ZMYND11: variants seen among roughly 807,000 people sequenced by gnomAD.
ZMYND11 encodes zinc finger MYND-type containing 11.
Under a neutral mutation model 84.9 loss-of-function variants are expected in ZMYND11, and 9 were observed. The ratio of observed to expected loss-of-function variants is 0.11; its 90% CI spans 0.06 to 0.18. The LOEUF (loss-of-function observed/expected upper bound fraction) is 0.18, where lower values mean the gene tolerates loss of function less well. ZMYND11 is among the 10% of genes least tolerant of loss of function. The probability of loss-of-function intolerance (pLI) is 1.00; values close to 1 mark genes in which losing one functional copy is unlikely to be tolerated. For synonymous variants in ZMYND11, 250 were observed against 244.1 expected (o/e 1.02, Z -0.23); for missense variants, 409 against 761.0 (o/e 0.54, Z 5.44).
At chr10:181,959 A>G (rs1847981478) in intron 2 of ZMYND11, among the ~76,000 whole-genome samples, 1 of 152,220 alleles carries the variant, frequency 6.6e-6, no homozygotes, top group Non-Finnish European at 1.5e-5. Flanking sequence ...TTTTTAAAAA[A>G]CCATCCTTTA....
rs977378978 is a variant in ZMYND11, at chr10:254,468, A to G, written c.*1998A>G. On this transcript the variant is annotated 3_prime_UTR_variant, in exon 15 of 15. Coordinates refer to ENST00000381604, the MANE Select transcript of ZMYND11 (RefSeq NM_001370100.5). ...CATTATTAAAAATTTTCTGCAAATC[A>G]TAAAGCTATATCGAGGTGTTGAGCT... 3 of 152,686 alleles carry G rather than the reference A, an allele frequency of 2.0e-5. No individual in the cohort carries two copies. Among genetic ancestry groups the G allele is most frequent in the Non-Finnish European group, 2.9e-5 (2 of 68,048 alleles). 9.5% of individuals were successfully genotyped at this position (152,686 alleles called of 1,614,324 possible).
rs376931420 is a variant in ZMYND11 at position 158,984 on chromosome 10, G to GTTTTTTTTTTTTTTTTTTTTTTTTTTTTT, written c.-19-21004_-19-21003insTTTTTTTTTTTTTTTTTTTTTTTTTTTTT. On this transcript the variant is annotated intron_variant, in intron 1 of 14. Transcript: ENST00000381604. Reference sequence around the variant, plus strand: ...AGATATATGATTTGCAGGGTTTTTTGTTTTTTGTTTTTTTTTTTTTTTTTA... The same window carrying GTTTTTTTTTTTTTTTTTTTTTTTTTTTTT: ...AGATATATGATTTGCAGGGTTTTTTGTTTTTTTTTTTTTTTTTTTTTTTTTTTTTTTTTTTGTTTTTTTTTTTTTTTTTA... Among the ~76,000 whole-genome samples, 12 of 40,054 alleles carry GTTTTTTTTTTTTTTTTTTTTTTTTTTTTT rather than the reference G, an allele frequency of 3.0e-4. 1 individual carries two copies. Among genetic ancestry groups the GTTTTTTTTTTTTTTTTTTTTTTTTTTTTT allele is most frequent in the Admixed American group, 6.4e-4 (2 of 3,110 alleles). 26.3% of individuals were successfully genotyped at this position (40,054 alleles called of 152,430 possible). A position where few individuals can be genotyped will look rare whatever the true frequency, so the allele number is the denominator to read the frequency against.
chr10:200,224 G>GTGTGTGTGTGTGTGTGTGTGTGTGTA (rs1434058171), intron 2 of ZMYND11, among the ~76,000 whole-genome samples: 1 of 141,756 alleles, frequency 7.1e-6, no homozygotes, highest in Non-Finnish European at 1.5e-5. Flanking sequence ...GTGTGTGTGT[G>GTGTGTGTGTGTGTGTGTGTGTGTGTA]TATAATATAT....
rs200768695 is a variant in ZMYND11, at chr10:239,537, T to G, written c.697+12T>G. On this transcript the variant is annotated intron_variant, in intron 7 of 14. Coordinates refer to ENST00000381604, the MANE Select transcript of ZMYND11 (RefSeq NM_001370100.5). ...GATTTTCTATGGAGGTTGAATATTT[T>G]TGTTTTTTTTGTATGCATTTTTAAA... The G allele has an allele frequency of 1.3e-6, 2 of 1,538,178 alleles. No individual in the cohort carries two copies. The highest frequency in any genetic ancestry group is 1.8e-5 in the Admixed American group (1 of 55,464).
chr10:231,214 C>T (rs1031222141), intron 4 of ZMYND11, among the ~76,000 whole-genome samples: 1 of 152,154 alleles, frequency 6.6e-6, no homozygotes, highest in African/African-American at 2.4e-5. Flanking sequence ...CTCTCTGGCC[C>T]TTTACACAAA....
intron 1 of ZMYND11, among the ~76,000 whole-genome samples, chr10:157,717 A>G (rs747655851): frequency 6.6e-6 from 1 of 152,208 alleles, no homozygotes; most frequent in African/African-American, 2.4e-5. Flanking sequence ...GCTTGAACAA[A>G]GTGACAGGTA....
At chr10:241,277 A>C (rs1243554309) in intron 9 of ZMYND11, among the ~76,000 whole-genome samples, 1 of 152,128 alleles carries the variant, frequency 6.6e-6, no homozygotes, top group African/African-American at 2.4e-5. Context: ...CTCCAGGCTC[A>C]AGTGATTCTC....
intron 2 of ZMYND11, among the ~76,000 whole-genome samples, chr10:196,690 T>C (rs1941830291): frequency 1.3e-5 from 2 of 152,292 alleles, no homozygotes; most frequent in Admixed American, 6.5e-5. Flanking sequence ...AAATGAATAT[T>C]AAAAAGGAAA....
chr10:158,997 T>G (rs1366636808), intron 1 of ZMYND11, among the ~76,000 whole-genome samples: 2 of 147,726 alleles, frequency 1.4e-5, no homozygotes, highest in South Asian at 2.1e-4. Flanking sequence ...TTTTGTTTTT[T>G]TTTTTTTTTT....
At chr10:188,393 G>C (rs1380664050) in intron 2 of ZMYND11, among the ~76,000 whole-genome samples, 1 of 151,370 alleles carries the variant, frequency 6.6e-6, no homozygotes, top group African/African-American at 2.4e-5. Flanking sequence ...TTCAAAACCA[G>C]CCTGGGCAAC....
At chr10:210,192 G>T (rs1479256740) in intron 3 of ZMYND11, 144 bp downstream of exon 3, 1 of 852,852 alleles carries the variant, frequency 1.2e-6, no homozygotes, top group African/African-American at 1.7e-5. Flanking sequence ...TACATTGGTA[G>T]TATGGATACT....
intron 4 of ZMYND11, among the ~76,000 whole-genome samples, chr10:225,984 A>G (rs544984994): frequency 6.6e-6 from 1 of 152,284 alleles, no homozygotes; most frequent in African/African-American, 2.4e-5. Context: ...GAGCCCTTGA[A>G]TGTGACTTGT....
intron 1 of ZMYND11, among the ~76,000 whole-genome samples, chr10:145,700 G>A (rs1218312775): frequency 1.3e-5 from 2 of 152,058 alleles, no homozygotes; most frequent in African/African-American, 4.8e-5. Flanking sequence ...ATCTTTCTTT[G>A]AGAAGTGTCT....
chr10:213,828 T>C (rs1485838031), intron 3 of ZMYND11, among the ~76,000 whole-genome samples: 1 of 152,230 alleles, frequency 6.6e-6, no homozygotes, highest in Non-Finnish European at 1.5e-5. Flanking sequence ...AGTCAGAGTT[T>C]GTTGGTGTTA....
At chr10:182,696 GAACT>G (rs1564333595) in intron 2 of ZMYND11, among the ~76,000 whole-genome samples, 3 of 152,140 alleles carry the variant, frequency 2.0e-5, no homozygotes, top group African/African-American at 7.2e-5. Context: ...CTCCAAGAAA[GAACT>G]GTCTAGAAAA....
At chr10:239,855 T>C in intron 7 of ZMYND11, 4 of 567,858 alleles carry the variant, frequency 7.0e-6, no homozygotes, top group Non-Finnish European at 1.2e-5. Flanking sequence ...GGTCATTCTC[T>C]ATACCCTGAG....
At chr10:141,710 A>G (rs1428698911) in intron 1 of ZMYND11, among the ~76,000 whole-genome samples, 1 of 152,258 alleles carries the variant, frequency 6.6e-6, no homozygotes, top group Non-Finnish European at 1.5e-5. Context: ...TCCAGATATT[A>G]TCTGAGCATT....
Position 237,521 on chromosome 10 carries a change from G to A in ZMYND11, c.517-64G>A, listed in dbSNP as rs1242569799. 35 of 975,168 alleles carry A rather than the reference G, an allele frequency of 3.6e-5. No individual in the cohort carries two copies. The East Asian group carries it at 8.8e-4, about 24-fold the overall frequency. 60.4% of individuals were successfully genotyped at this position (975,168 alleles called of 1,614,324 possible). On this transcript the variant is annotated intron_variant, in intron 5 of 14. Transcript: ENST00000381604. Reference sequence around the variant, plus strand: ...AAGGTAGAAAATATTTTGAGCTTTAGGAATTGATGTCTTACCTGCCTTCCT... The same window carrying A: ...AAGGTAGAAAATATTTTGAGCTTTAAGAATTGATGTCTTACCTGCCTTCCT...
chr10:201,188 A>G (rs2131101050), intron 2 of ZMYND11, among the ~76,000 whole-genome samples: 1 of 152,264 alleles, frequency 6.6e-6, no homozygotes, highest in Non-Finnish European at 1.5e-5. Flanking sequence ...GGGCAGTCCT[A>G]AGTCTTAAGG....
Sources: gnomAD v4.1 joint callset for allele counts (sites outside exome capture counted in the v4.1 genomes callset) on GRCh38, gnomAD v4.1.1 for gene constraint, MANE v1.5 for transcripts, NCBI Gene and HGNC (gene_info 2026-07-23, HGNC 2026-07-21) for gene names.